The following ANK3 variants were observed in gnomAD, a reference collection of about 807,000 sequenced individuals.
ANK3 encodes ankyrin-3.
In ANK3, 57 loss-of-function variants were observed where a neutral mutation model predicts 370.9. The ratio of observed to expected loss-of-function variants is 0.15; its 90% CI spans 0.12 to 0.19. The LOEUF (loss-of-function observed/expected upper bound fraction) is 0.19. ANK3 is among the 10% of genes least tolerant of loss of function. ANK3 has a pLI of 1.00. For synonymous variants in ANK3, 1,929 were observed against 1,946.3 expected, an observed-to-expected ratio of 0.99 and a Z score of 0.23; for missense variants, 4,439 against 5,302.1, an observed-to-expected ratio of 0.84 and a Z score of 5.06.
chr10:60,690,004 T>G (rs1233900504), intron 1 of ANK3, among the ~76,000 whole-genome samples: 1 of 152,142 alleles, frequency 6.6e-6, no homozygotes, highest in Non-Finnish European at 1.5e-5. Flanking sequence ...AATTTCAACT[T>G]GAAGGTAGTA....
chr10:60,546,179 G>T (rs989017179), intron 2 of ANK3, among the ~76,000 whole-genome samples: 1 of 152,092 alleles, frequency 6.6e-6, no homozygotes, highest in African/African-American at 2.4e-5. Context: ...GGGACTACAG[G>T]CATGCACCAC....
chr10:60,236,109 A>G (rs908389578), intron 7 of ANK3, among the ~76,000 whole-genome samples: 49 of 152,222 alleles, frequency 3.2e-4, no homozygotes, highest in African/African-American at 1.1e-3. Flanking sequence ...TTCAGTAAAC[A>G]TCAACCTTTA....
In ANK3 at chr10:60,387,237, T is replaced by C. The variant is rs746256607; in HGVS notation, c.114+2188A>G. Among the ~76,000 whole-genome samples, 29 of 152,254 alleles carry C rather than the reference T, an allele frequency of 1.9e-4. No homozygotes were observed. The South Asian group carries it at 2.1e-3, about 11-fold the overall frequency. ...TCCCCATAATAACCCACAAAATATT[T>C]AGAAGCAGCATTTTTTATTGACATG... On this transcript the variant is annotated intron_variant, in intron 1 of 43. Transcript: ENST00000280772.
At chr10:60,617,327 T>C (rs956168046) in intron 1 of ANK3, among the ~76,000 whole-genome samples, 1 of 152,086 alleles carries the variant, frequency 6.6e-6, no homozygotes, top group Non-Finnish European at 1.5e-5. Context: ...TTAACCCATG[T>C]GGACTTTATC....
chr10:60,062,025 G>T (rs2080607413), intron 40 of ANK3: 1 of 152,144 alleles, frequency 6.6e-6, no homozygotes, highest in South Asian at 2.1e-4. Context: ...CAGCACTTTG[G>T]GAGGCAGAGG....
intron 1 of ANK3, among the ~76,000 whole-genome samples, chr10:60,705,775 A>AT (rs1463339991): frequency 6.7e-6 from 1 of 148,228 alleles, no homozygotes; most frequent in East Asian, 2.0e-4. Flanking sequence ...CTTGGGTATC[A>AT]TTATACATTC....
At chr10:60,395,558 T>TTCTC (rs1491489909) in intron 2 of ANK3, among the ~76,000 whole-genome samples, 1 of 73,978 alleles carries the variant, frequency 1.4e-5, no homozygotes, top group Non-Finnish European at 2.8e-5. Flanking sequence ...GCCTCTTTCT[T>TTCTC]TCTTTCTTTC....
chr10:60,268,777 T>C (rs984163963), intron 5 of ANK3, among the ~76,000 whole-genome samples: 1 of 152,154 alleles, frequency 6.6e-6, no homozygotes, highest in South Asian at 2.1e-4. Flanking sequence ...TTCACCAGTA[T>C]TGTAGGAAAG....
chr10:60,068,911 C>A lies in ANK3; in HGVS notation c.11970G>T (p.Lys3990Asn). 6.2e-7 allele frequency: 1 copy of A among 1,614,070 alleles called. No homozygotes were observed. The highest frequency in any genetic ancestry group is 8.5e-7 in the Non-Finnish European group (1 of 1,179,994). Residue 3990 changes from lysine to asparagine, a missense_variant, in exon 37 of 44, where the codon AAG becomes AAT. By Grantham distance (94) the Lys-to-Asn change is moderately conservative. Around this residue, in one of 13 missense-constraint regions of ANK3, gnomAD observed 496 missense variants for 529.3 expected, o/e 0.94. Transcript: ENST00000280772. The stretch of plus-strand genomic sequence containing the variant: ...ATTCAATGGAATGTTTACATACTTC[C>A]TTGAGCTGACTTTTCCTAACTTTAA... ...CTVKVRKSQL[K>N]EVCKHSIEYF...
At chr10:60,214,936 T>C (rs2096912988) in intron 8 of ANK3, among the ~76,000 whole-genome samples, 1 of 152,176 alleles carries the variant, frequency 6.6e-6, no homozygotes. Context: ...GGAATTGTCA[T>C]ACTGTGTTCC....
intron 1 of ANK3, among the ~76,000 whole-genome samples, chr10:60,698,548 T>G (rs2079497718): frequency 6.7e-6 from 1 of 149,222 alleles, no homozygotes; most frequent in African/African-American, 2.5e-5. Context: ...GTGGCACATA[T>G]ACACCATGGA....
intron 23 of ANK3, chr10:60,141,024 C>T: frequency 6.1e-6 from 6 of 985,156 alleles, no homozygotes; most frequent in Non-Finnish European, 6.0e-6. Flanking sequence ...GCTGGGAACA[C>T]TGGGAGCCTC....
chr10:60,496,900 A>G (rs1326683765), intron 2 of ANK3, among the ~76,000 whole-genome samples: 1 of 152,142 alleles, frequency 6.6e-6, no homozygotes, highest in African/African-American at 2.4e-5. Context: ...TTTACTATTT[A>G]CCAAAATTAT....
chr10:60,130,417 G>A (rs746641049), intron 25 of ANK3, among the ~76,000 whole-genome samples: 12 of 152,194 alleles, frequency 7.9e-5, no homozygotes, highest in Non-Finnish European at 1.5e-4. Flanking sequence ...AGAAGTGTAT[G>A]AGAGTTCATT....
At chr10:60,376,415 A>C (rs2132810686) in intron 1 of ANK3, among the ~76,000 whole-genome samples, 1 of 152,326 alleles carries the variant, frequency 6.6e-6, no homozygotes, top group Middle Eastern at 3.4e-3. Context: ...AGCAGATAAG[A>C]ACATAATGTC....
intron 7 of ANK3, among the ~76,000 whole-genome samples, chr10:60,244,010 G>T (rs1394016068): frequency 2.0e-5 from 3 of 152,150 alleles, no homozygotes; most frequent in Admixed American, 1.3e-4. Flanking sequence ...GATAGAATAT[G>T]ATAGAAATAT....
chr10:60,448,015 C>A (rs1309153721), intron 2 of ANK3, among the ~76,000 whole-genome samples: 1 of 152,150 alleles, frequency 6.6e-6, no homozygotes, highest in Non-Finnish European at 1.5e-5. Flanking sequence ...GCTCCCCCTG[C>A]CAGAGGGAAT....
intron 1 of ANK3, among the ~76,000 whole-genome samples, chr10:60,306,447 A>C (rs956731253): frequency 9.4e-6 from 1 of 106,014 alleles, no homozygotes; most frequent in African/African-American, 3.9e-5. Flanking sequence ...ATATATATAT[A>C]TATATATCTA....
chr10:60,274,751 C>T (rs1425031963), intron 4 of ANK3, among the ~76,000 whole-genome samples: 1 of 152,158 alleles, frequency 6.6e-6, no homozygotes, highest in Non-Finnish European at 1.5e-5. Flanking sequence ...TGTTCCTTAA[C>T]TAATTCCAAT....
Sources: allele counts gnomAD v4.1 joint callset (sites outside exome capture counted in the v4.1 genomes callset), GRCh38; gene constraint gnomAD v4.1.1; regional missense constraint gnomAD v4.1.1; transcripts MANE v1.5; gene names NCBI Gene and HGNC (gene_info 2026-07-23, HGNC 2026-07-21).